DOP1B: variants seen among roughly 807,000 people sequenced by gnomAD.
DOP1B encodes protein DOP1B.
A neutral mutation model predicts 233.5 loss-of-function variants in DOP1B; 174 were observed. The ratio of observed to expected loss-of-function variants is 0.75; its 90% CI spans 0.66 to 0.85. The LOEUF (loss-of-function observed/expected upper bound fraction) is 0.85. Among genes scored for constraint, DOP1B ranks in the 40% least tolerant of loss-of-function variants. The pLI is 0.00. For missense variants in DOP1B, 2,652 were observed against 2,846.6 expected (o/e 0.93, Z 1.56); for synonymous variants, 1,190 against 1,185.6 (o/e 1.00, Z -0.08).
chr21:36,198,202 G>T (rs2066315237), intron 2 of DOP1B, among the ~76,000 whole-genome samples: 1 of 151,940 alleles, frequency 6.6e-6, no homozygotes, highest in African/African-American at 2.4e-5. Context: ...GGCCGAGGCG[G>T]GTGGATCACA....
chr21:36,253,753 C>A lies in DOP1B; in HGVS notation c.5122-19C>A. On this transcript the variant is annotated intron_variant, in intron 22 of 36. Coordinates refer to ENST00000691173, the MANE Select transcript of DOP1B (RefSeq NM_001320714.2). ...TTTCTCTCTATAAGCTTTCAAGGAA[C>A]TTTTTTTTTTCTTGGCAGATTATCC... 6.8e-7 allele frequency: 1 copy of A among 1,474,790 alleles called. No homozygotes were observed. The highest frequency in any genetic ancestry group is 1.4e-5 in the African/African-American group (1 of 71,032). The allele number at this position is 1,474,790 out of a possible 1,614,324, so 91.4% of individuals were successfully genotyped here.
At position 36,246,966 on chromosome 21, in the gene DOP1B, G is replaced by A. The variant is rs1317117460; in HGVS notation, c.4697+289G>A. ...ATGACCTCAGCTCACTGCAACCTCT[G>A]CCTCCCAGGTTCAAACAATTCTCCT... is the stretch of plus-strand genomic sequence containing the variant. On this transcript the variant is annotated intron_variant, in intron 19 of 36. Transcript: ENST00000691173. This position sits in a 1 kb window ranked among gnomAD's most constrained non-coding sequence, Gnocchi z 5.1. Among the ~76,000 whole-genome samples the A allele has an allele frequency of 6.6e-6, 1 of 152,098 alleles. No individual in the cohort carries two copies. Among genetic ancestry groups the A allele is most frequent in the Non-Finnish European group, 1.5e-5 (1 of 68,022 alleles).
At chr21:36,205,586 C>T (rs1315987685) in intron 4 of DOP1B, among the ~76,000 whole-genome samples, 1 of 151,844 alleles carries the variant, frequency 6.6e-6, no homozygotes, top group African/African-American at 2.4e-5. Context: ...CGGGGTTTTA[C>T]CATGTTGGCC....
At chr21:36,175,353 C>T (rs183427045) in intron 2 of DOP1B, among the ~76,000 whole-genome samples, 1,864 of 151,242 alleles carry the variant, frequency 0.012, 40 homozygotes, top group African/African-American at 0.043. Context: ...TTAAGTGATC[C>T]GCCCGCCTCG....
At chr21:36,207,253 C>T (rs372537921) in intron 4 of DOP1B, among the ~76,000 whole-genome samples, 7 of 150,712 alleles carry the variant, frequency 4.6e-5, no homozygotes, top group Admixed American at 1.3e-4. Flanking sequence ...GACGGCCTCT[C>T]GGCTCACTGC....
At chr21:36,271,013 T>C (rs2067282193) in intron 27 of DOP1B, among the ~76,000 whole-genome samples, 1 of 151,592 alleles carries the variant, frequency 6.6e-6, no homozygotes, top group Non-Finnish European at 1.5e-5. Flanking sequence ...TGGTGAAATA[T>C]TGAAAAAAGA....
At chr21:36,191,740 C>T (rs898461717) in intron 2 of DOP1B, among the ~76,000 whole-genome samples, 5 of 149,934 alleles carry the variant, frequency 3.3e-5, no homozygotes, top group Admixed American at 3.3e-4. Context: ...GAGCCGAGAT[C>T]ACACCACTGC....
At chr21:36,157,104 G>C (rs1415158730) in intron 1 of DOP1B, among the ~76,000 whole-genome samples, 161 bp downstream of exon 1, 1 of 152,084 alleles carries the variant, frequency 6.6e-6, no homozygotes, top group Non-Finnish European at 1.5e-5. Context: ...GCTTACCGGC[G>C]CGCGGCCCGG....
Position 36,210,135 on chromosome 21 carries a change from TCCCATCCCAA to T in DOP1B, c.681+1232_681+1241del, listed in dbSNP as rs1454835768. Among the ~76,000 whole-genome samples, 1,442 of 152,138 alleles carry T rather than the reference TCCCATCCCAA, an allele frequency of 9.5e-3. 25 individuals carry two copies. Among genetic ancestry groups the T allele is most frequent in the African/African-American group, 0.032 (1,325 of 41,488 alleles). On this transcript the variant is annotated intron_variant, in intron 5 of 36. Transcript: ENST00000691173. ...TTACTCTTGGATCTGACTGGTTTCT[TCCCATCCCAA>T]ATCTGCTAAGAGATTTGGGATGGGG...
Position 36,169,102 on chromosome 21 carries a change from C to T in DOP1B, c.138+4231C>T, listed in dbSNP as rs561011963. ...CAGTGAACTTAAGGTCAGTCTTCTC[C>T]AGAGCCCATCGTCTGGTCTGCACCA... On this transcript the variant is annotated intron_variant, in intron 2 of 36. Transcript: ENST00000691173. 3.5e-6 allele frequency: 3 copies of T among 865,760 alleles called. No individual in the cohort carries two copies. In the African/African-American group the frequency reaches 4.9e-5, roughly 14 times the overall value. The allele number at this position is 865,760 out of a possible 1,614,324, so 53.6% of individuals were successfully genotyped here. A position where few individuals can be genotyped will look rare whatever the true frequency, so the allele number is the denominator to read the frequency against.
intron 2 of DOP1B, among the ~76,000 whole-genome samples, chr21:36,174,779 C>T (rs1450815163): frequency 1.3e-5 from 2 of 152,120 alleles, no homozygotes; most frequent in African/African-American, 2.4e-5. Context: ...GAATTATAGG[C>T]GTGAGCCACC....
At chr21:36,270,214 T>G (rs1041717022) in intron 27 of DOP1B, 57 bp downstream of exon 27, 96 of 1,562,566 alleles carry the variant, frequency 6.1e-5, no homozygotes, top group Non-Finnish European at 8.2e-5. Flanking sequence ...TTCTGGCTTT[T>G]CCTTAAGAGA....
chr21:36,200,556 G>C, intron 4 of DOP1B, 55 bp downstream of exon 4: 1 of 1,526,588 alleles, frequency 6.6e-7, no homozygotes, highest in Non-Finnish European at 8.8e-7. Context: ...TAAGACGCGG[G>C]GAGGGGGCCG....
intron 30 of DOP1B, among the ~76,000 whole-genome samples, chr21:36,279,024 C>G (rs1043914284): frequency 1.3e-5 from 2 of 152,044 alleles, no homozygotes; most frequent in Non-Finnish European, 2.9e-5. Flanking sequence ...GGCTGATACT[C>G]CACAAGTTCT....
At position 36,251,017 on chromosome 21, in the gene DOP1B, C is replaced by A. The variant is rs1247122355; in HGVS notation, c.4999-145C>A. ...GATTCCTCCCATTGCTGGGATCCAC[C>A]CATCAGGGAAGCACCTCAGCACAAC... On this transcript the variant is annotated intron_variant, in intron 21 of 36. Coordinates refer to ENST00000691173, the MANE Select transcript of DOP1B (RefSeq NM_001320714.2). 18 of 1,114,606 alleles carry A rather than the reference C, an allele frequency of 1.6e-5. No homozygotes were observed. The South Asian group carries it at 3.3e-4, about 20-fold the overall frequency. 69.0% of individuals were successfully genotyped at this position (1,114,606 alleles called of 1,614,324 possible).
rs1221943146 is a variant in DOP1B, at chr21:36,200,335, G to A, written c.325G>A (p.Gly109Arg). The A allele has an allele frequency of 6.3e-6, 10 of 1,588,800 alleles. No individual in the cohort carries two copies. Among genetic ancestry groups the A allele is most frequent in the Non-Finnish European group, 8.6e-6 (10 of 1,167,388 alleles). Residue 109 changes from glycine (G) to arginine (R), a missense_variant, in exon 4 of 37, where the codon GGG (glycine) becomes AGG (arginine). This residue lies in a region of DOP1B where 2,617 missense variants were observed against 2,794.3 expected (regional missense o/e 0.94). Coordinates refer to ENST00000691173, the MANE Select transcript of DOP1B (RefSeq NM_001320714.2). The stretch of plus-strand genomic sequence containing the variant: ...CCCTCTCGTTCTTTCTCGAAGCTGC[G>A]GGTTATTTCCTCTCCTGGCACACGC... ...LAKDLFLYSC[G>R]LFPLLAHAAV...
At chr21:36,209,982 A>G (rs979344520) in intron 5 of DOP1B, among the ~76,000 whole-genome samples, 2 of 152,036 alleles carry the variant, frequency 1.3e-5, no homozygotes, top group African/African-American at 4.8e-5. Context: ...GGAAAAATGG[A>G]TGAAAAGCGC....
At chr21:36,281,394 A>C in intron 31 of DOP1B, 89 bp from the exon 32 acceptor site, 2 of 1,353,204 alleles carry the variant, frequency 1.5e-6, no homozygotes, top group South Asian at 1.7e-5. Flanking sequence ...TTCACCAGGG[A>C]ATATAGAATT....
chr21:36,269,919 C>G, intron 26 of DOP1B, 94 bp from the exon 27 acceptor site: 1 of 1,321,416 alleles, frequency 7.6e-7, no homozygotes, highest in Non-Finnish European at 1.1e-6. Flanking sequence ...CAGCTGTGGC[C>G]TGCATTTTAT....
Sources: gnomAD v4.1 joint callset for allele counts (sites outside exome capture counted in the v4.1 genomes callset) on GRCh38, gnomAD v4.1.1 for gene constraint, gnomAD v4.1.1 regional missense constraint, Gnocchi (gnomAD v3.1) non-coding constraint, MANE v1.5 for transcripts, NCBI Gene and HGNC (gene_info 2026-07-23, HGNC 2026-07-21) for gene names.